VPS13D: variants seen among roughly 807,000 people sequenced by gnomAD.
VPS13D encodes vacuolar protein sorting 13 homolog D.
Under a neutral mutation model 461.9 loss-of-function variants are expected in VPS13D, and 187 were observed. The ratio of observed to expected loss-of-function variants is 0.40; its 90% CI spans 0.36 to 0.46. The LOEUF is 0.46. Ranked by LOEUF, VPS13D falls within the 20% of genes least tolerant of loss-of-function variation. The pLI is 0.60. For missense variants in VPS13D, 4,711 were observed against 5,364.9 expected (o/e 0.88, Z 3.81); for synonymous variants, 1,951 against 1,986.3 (o/e 0.98, Z 0.47).
At position 12,509,121 on chromosome 1, in the gene VPS13D, C is replaced by A; in HGVS notation, c.*97C>A. 1 of 1,435,550 alleles carries A rather than the reference C, an allele frequency of 7.0e-7. No individual in the cohort carries two copies. The highest frequency in any genetic ancestry group is 1.6e-5 in the South Asian group (1 of 62,036). The allele number at this position is 1,435,550 out of a possible 1,614,324, so 88.9% of individuals were successfully genotyped here. A position where few individuals can be genotyped will look rare whatever the true frequency, so the allele number is the denominator to read the frequency against. ...CTGACGATGGAGGCAGAACCGGAGT[C>A]GGGTTTGGGGAAGTTGTCAAGGAAT... On this transcript the variant is annotated 3_prime_UTR_variant, in exon 70 of 70. Transcript: ENST00000620676.
In VPS13D at chr1:12,279,086, A is replaced by G. The variant is rs1274880939; in HGVS notation, c.4451-413A>G. The stretch of plus-strand genomic sequence containing the variant: ...GTTTACTTAGAACTTGTATTGTCCT[A>G]GATTCTGATTTAGGCCTAATAAGAG... On this transcript the variant is annotated intron_variant, in intron 19 of 69. Transcript: ENST00000620676. The surrounding 1 kb of genome is among the most constrained non-coding windows in gnomAD (Gnocchi z 4.3). Among the ~76,000 whole-genome samples, 2 of 152,168 alleles carry G rather than the reference A, an allele frequency of 1.3e-5. No homozygotes were observed. Among genetic ancestry groups the G allele is most frequent in the Non-Finnish European group, 2.9e-5 (2 of 68,020 alleles).
chr1:12,330,610 C>T (rs1223013603), intron 37 of VPS13D, among the ~76,000 whole-genome samples: 1 of 152,048 alleles, frequency 6.6e-6, no homozygotes, highest in Non-Finnish European at 1.5e-5. Flanking sequence ...CTCTGTCACC[C>T]AGGCTGGAGT....
At chr1:12,295,222 C>CAAAAAAA (rs112447551) in intron 24 of VPS13D, among the ~76,000 whole-genome samples, 5 of 72,962 alleles carry the variant, frequency 6.9e-5, no homozygotes, top group Non-Finnish European at 1.0e-4. Context: ...CACCATGACT[C>CAAAAAAA]AAAAAAAAAA....
In VPS13D at chr1:12,283,527, A is replaced by C; in HGVS notation, c.5425A>C (p.Ser1809Arg). Residue 1809 changes from serine to arginine, a missense_variant, in exon 21 of 70, where the codon AGC becomes CGC. Around this residue, in one of 3 missense-constraint regions of VPS13D, gnomAD observed 4,411 missense variants for 4,937.8 expected, o/e 0.89. Coordinates refer to ENST00000620676, the MANE Select transcript of VPS13D (RefSeq NM_015378.4). Reference sequence around the variant, plus strand: ...TTCCAGTTACAATCGAGTTAACCGGAGCATTGATGTTGATTTTAATTGCTT... The same window carrying C: ...TTCCAGTTACAATCGAGTTAACCGGCGCATTGATGTTGATTTTAATTGCTT... ...FSSSYNRVNR[S>R]IDVDFNCLDV... 1 of 1,614,240 alleles carries C rather than the reference A, an allele frequency of 6.2e-7. No homozygotes were observed.
chr1:12,335,733 G>A lies in VPS13D; in HGVS notation c.8457G>A (p.Trp2819Ter). Residue 2819 changes from tryptophan (W) to a stop codon, truncating the protein, a stop_gained, in exon 39 of 70, where the codon TGG becomes TGA. Coordinates refer to ENST00000620676, the MANE Select transcript of VPS13D (RefSeq NM_015378.4). LOFTEE classifies it high-confidence loss of function. ...IDQYVSTKES[W>*]MADYCKDDKD... is the part of the protein sequence containing the mutation. ...AGTATGTAAGTACCAAGGAATCGTGGATGGCAGATTACTGTAAAGATGACA... is the reference window on the plus strand; with the variant it reads ...AGTATGTAAGTACCAAGGAATCGTGAATGGCAGATTACTGTAAAGATGACA... 6.2e-7 allele frequency: 1 copy of A among 1,613,998 alleles called. No individual in the cohort carries two copies.
chr1:12,446,547 C>T (rs1033334375), intron 65 of VPS13D, among the ~76,000 whole-genome samples: 1 of 152,102 alleles, frequency 6.6e-6, no homozygotes, highest in Non-Finnish European at 1.5e-5. Context: ...TCTCTATAGT[C>T]CTCTTTCTCT....
chr1:12,432,504 G>A (rs535011160), intron 65 of VPS13D, among the ~76,000 whole-genome samples: 45 of 152,148 alleles, frequency 3.0e-4, no homozygotes, highest in Non-Finnish European at 6.0e-4. Context: ...ATGTGGATGT[G>A]TCCAGTTGCC....
intron 1 of VPS13D, among the ~76,000 whole-genome samples, chr1:12,233,315 A>T (rs1640042716): frequency 6.6e-6 from 1 of 152,054 alleles, no homozygotes; most frequent in South Asian, 2.1e-4. Flanking sequence ...CTCTTTCATG[A>T]ATTTCATTCA....
Position 12,262,050 on chromosome 1 carries a change from G to GA in VPS13D, c.1567dup (p.Ser523LysfsTer52). The GA allele has an allele frequency of 6.2e-7, 1 of 1,612,990 alleles. No homozygotes were observed. Among genetic ancestry groups the GA allele is most frequent in the Non-Finnish European group, 8.5e-7 (1 of 1,179,352 alleles). ...GGAGCAAGGAACTCCTCAAATGAATGAAAGTGCTTTCATGCAGCTCGAGTT... is the reference window on the plus strand; with the variant it reads ...GGAGCAAGGAACTCCTCAAATGAATGAAAAGTGCTTTCATGCAGCTCGAGTT... On this transcript the variant is annotated frameshift_variant, in exon 13 of 70. Transcript: ENST00000620676. LOFTEE classifies it high-confidence loss of function.
rs1172332089 is a variant in VPS13D at position 12,341,818 on chromosome 1, C to T, written c.8665C>T (p.Pro2889Ser). The T allele has an allele frequency of 3.1e-6, 5 of 1,613,874 alleles. No homozygotes were observed. Among genetic ancestry groups the T allele is most frequent in the African/African-American group, 2.7e-5 (2 of 74,842 alleles). ...CCCCAAGCGCCGGCAGCCATTTGTC[C>T]CCTTTGCTCTGAGGAACCACACGGG... ...KTPKRRQPFV[P>S]FALRNHTGCT... Residue 2889 changes from proline to serine, a missense_variant, in exon 41 of 70, where the codon CCC becomes TCC. Coordinates refer to ENST00000620676, the MANE Select transcript of VPS13D (RefSeq NM_015378.4).
intron 53 of VPS13D, 110 bp from the exon 54 acceptor site, chr1:12,369,357 A>G (rs1644085387): frequency 1.1e-6 from 1 of 923,924 alleles, no homozygotes. Context: ...TTTCCTGTGT[A>G]AGATTCATTT....
At chr1:12,251,186 A>T (rs1640719851) in intron 6 of VPS13D, among the ~76,000 whole-genome samples, 1 of 152,130 alleles carries the variant, frequency 6.6e-6, no homozygotes, top group Non-Finnish European at 1.5e-5. Context: ...TAAGCTGTTG[A>T]CTCTGTGGCC....
chr1:12,289,053 G>T (rs552795697), intron 22 of VPS13D, among the ~76,000 whole-genome samples: 8 of 152,038 alleles, frequency 5.3e-5, no homozygotes, highest in Non-Finnish European at 1.2e-4. Flanking sequence ...TGTTGGCCAG[G>T]CTATTCTCGA....
intron 65 of VPS13D, among the ~76,000 whole-genome samples, chr1:12,428,883 G>GA (rs748339536): frequency 6.6e-6 from 1 of 152,266 alleles, no homozygotes; most frequent in Non-Finnish European, 1.5e-5. Context: ...GTAAGGCAGA[G>GA]AAGGAGTAAG....
chr1:12,463,159 C>G (rs1486692259), intron 67 of VPS13D, among the ~76,000 whole-genome samples: 1 of 152,138 alleles, frequency 6.6e-6, no homozygotes, highest in Non-Finnish European at 1.5e-5. Context: ...CAAAAGCTAC[C>G]GTGATCATTG....
At chr1:12,352,568 C>T (rs1643819023) in intron 46 of VPS13D, among the ~76,000 whole-genome samples, 2 of 152,060 alleles carry the variant, frequency 1.3e-5, no homozygotes, top group Admixed American at 1.3e-4. Context: ...ATGACAACAC[C>T]AAGTGTTGAC....
intron 50 of VPS13D, among the ~76,000 whole-genome samples, chr1:12,361,003 G>T (rs1643938566): frequency 6.6e-6 from 1 of 152,200 alleles, no homozygotes; most frequent in Admixed American, 6.5e-5. Context: ...TGAGGGTGCT[G>T]CTCCGGAGGC....
chr1:12,509,909 C>T lies in VPS13D; in HGVS notation c.*885C>T, dbSNP rs1272925938. 1 of 152,216 alleles carries T rather than the reference C, an allele frequency of 6.6e-6. No individual in the cohort carries two copies. The highest frequency in any genetic ancestry group is 2.1e-4 in the South Asian group (1 of 4,830). 9.4% of individuals were successfully genotyped at this position (152,216 alleles called of 1,614,324 possible). A position where few individuals can be genotyped will look rare whatever the true frequency, so the allele number is the denominator to read the frequency against. The stretch of plus-strand genomic sequence containing the variant: ...TGATTGAGAAGGAAAAAAAAAGTCC[C>T]ATTGAACTGTTGCAACAAATCAGAA... On this transcript the variant is annotated 3_prime_UTR_variant, in exon 70 of 70. Coordinates refer to ENST00000620676, the MANE Select transcript of VPS13D (RefSeq NM_015378.4).
intron 6 of VPS13D, among the ~76,000 whole-genome samples, chr1:12,252,602 T>C (rs1196827276): frequency 6.6e-6 from 1 of 151,342 alleles, no homozygotes; most frequent in Non-Finnish European, 1.5e-5. Flanking sequence ...TGAAACCCCA[T>C]CTCTATTAAA....
Sources: gnomAD v4.1 joint callset for allele counts (sites outside exome capture counted in the v4.1 genomes callset) on GRCh38, gnomAD v4.1.1 for gene constraint, gnomAD v4.1.1 regional missense constraint, Gnocchi (gnomAD v3.1) non-coding constraint, MANE v1.5 for transcripts, NCBI Gene and HGNC (gene_info 2026-07-23, HGNC 2026-07-21) for gene names.